The following PGM2L1 variants were observed in gnomAD, a reference collection of about 807,000 sequenced individuals.
PGM2L1 encodes glucose 1,6-bisphosphate synthase.
In PGM2L1, 35 loss-of-function variants were observed where a neutral mutation model predicts 73.4. The ratio of observed to expected loss-of-function variants is 0.48; its 90% CI spans 0.36 to 0.63. The LOEUF is 0.63. Ranked by LOEUF, PGM2L1 falls within the 30% of genes least tolerant of loss-of-function variation. The pLI is 0.00. For synonymous variants in PGM2L1, 225 were observed against 253.8 expected (o/e 0.89, Z 1.08); for missense variants, 570 against 742.0 (o/e 0.77, Z 2.69).
intron 5 of PGM2L1, among the ~76,000 whole-genome samples, chr11:74,363,877 C>T (rs76214922): frequency 0.57 from 86,864 of 151,924 alleles, 26,162 homozygotes; most frequent in East Asian, 0.8. Flanking sequence ...CCAGCATCAT[C>T]CTGATACCAA....
intron 5 of PGM2L1, among the ~76,000 whole-genome samples, chr11:74,358,282 C>G (rs969600388): frequency 6.6e-6 from 1 of 152,132 alleles, no homozygotes; most frequent in Non-Finnish European, 1.5e-5. Flanking sequence ...GAACCCTCCA[C>G]TGAATTTTGC....
At chr11:74,365,495 C>T (rs1862641025) in intron 5 of PGM2L1, among the ~76,000 whole-genome samples, 1 of 152,176 alleles carries the variant, frequency 6.6e-6, no homozygotes, top group African/African-American at 2.4e-5. Flanking sequence ...CCAGAATCTA[C>T]AAATAACTCA....
chr11:74,340,506 C>T (rs1170369972), intron 12 of PGM2L1, among the ~76,000 whole-genome samples: 1 of 152,156 alleles, frequency 6.6e-6, no homozygotes, highest in African/African-American at 2.4e-5. Flanking sequence ...TACTATTCTA[C>T]ACAATAAACT....
intron 2 of PGM2L1, among the ~76,000 whole-genome samples, chr11:74,374,187 G>A (rs1306383002): frequency 6.6e-6 from 1 of 151,884 alleles, no homozygotes; most frequent in East Asian, 1.9e-4. Flanking sequence ...AGGTTCAAGC[G>A]ATTCTCCTGC....
Position 74,334,160 on chromosome 11 carries a change from AC to A in PGM2L1, c.*2491del, listed in dbSNP as rs1221657710. 4.6e-5 allele frequency: 7 copies of A among 152,246 alleles called. No homozygotes were observed. The highest frequency in any genetic ancestry group is 1.0e-4 in the Non-Finnish European group (7 of 68,036). 9.4% of individuals were successfully genotyped at this position (152,246 alleles called of 1,614,324 possible). A position where few individuals can be genotyped will look rare whatever the true frequency, so the allele number is the denominator to read the frequency against. On this transcript the variant is annotated 3_prime_UTR_variant, in exon 14 of 14. Coordinates refer to ENST00000298198, the MANE Select transcript of PGM2L1 (RefSeq NM_173582.6). ...GAGAAGAACACTTCAATAACTTTTCACCTTAAGATGACTTAAATGTTGCATT... is the reference window on the plus strand; with the variant it reads ...GAGAAGAACACTTCAATAACTTTTCACTTAAGATGACTTAAATGTTGCATT...
At chr11:74,393,851 T>C (rs1863137449) in intron 1 of PGM2L1, among the ~76,000 whole-genome samples, 1 of 152,094 alleles carries the variant, frequency 6.6e-6, no homozygotes, top group African/African-American at 2.4e-5. Flanking sequence ...CCTAACATCT[T>C]ACATATAGGA....
chr11:74,386,815 T>C (rs1863024742), intron 1 of PGM2L1, among the ~76,000 whole-genome samples: 1 of 152,140 alleles, frequency 6.6e-6, no homozygotes, highest in South Asian at 2.1e-4. Context: ...AACAAAATGA[T>C]ATTTTAACTG....
chr11:74,386,920 G>A (rs639228), intron 1 of PGM2L1, among the ~76,000 whole-genome samples: 111,557 of 152,112 alleles, frequency 0.73, 41,910 homozygotes, highest in Non-Finnish European at 0.83. Context: ...AGAGAGGTGG[G>A]CATGTGAATT....
intron 5 of PGM2L1, chr11:74,355,447 G>T (rs974787139): frequency 2.4e-4 from 94 of 384,458 alleles, no homozygotes; most frequent in African/African-American, 2.1e-3. Flanking sequence ...CCAGCTACTC[G>T]GGAGGCTGAG....
At chr11:74,353,733 T>A (rs1862395389) in intron 5 of PGM2L1, among the ~76,000 whole-genome samples, 1 of 151,240 alleles carries the variant, frequency 6.6e-6, no homozygotes, top group Admixed American at 6.6e-5. Flanking sequence ...CACGTCTACT[T>A]CTTTCTACAC....
intron 1 of PGM2L1, among the ~76,000 whole-genome samples, chr11:74,389,314 T>C (rs1200185278): frequency 6.6e-6 from 1 of 152,186 alleles, no homozygotes; most frequent in Non-Finnish European, 1.5e-5. Context: ...AGATGTATAT[T>C]CTTTTGTTAA....
At chr11:74,356,106 G>A (rs1008974248) in intron 5 of PGM2L1, among the ~76,000 whole-genome samples, 7 of 151,580 alleles carry the variant, frequency 4.6e-5, no homozygotes, top group African/African-American at 1.7e-4. Flanking sequence ...AGCCATCTTG[G>A]TAAATTTCCC....
intron 12 of PGM2L1, among the ~76,000 whole-genome samples, chr11:74,339,185 A>C (rs1565433680): frequency 6.6e-6 from 1 of 152,224 alleles, no homozygotes; most frequent in Non-Finnish European, 1.5e-5. Context: ...TCCAAAGTCC[A>C]AACTGCCTCT....
chr11:74,386,304 T>A (rs1863017114), intron 1 of PGM2L1, among the ~76,000 whole-genome samples: 1 of 151,972 alleles, frequency 6.6e-6, no homozygotes. Flanking sequence ...AAATGGAAAT[T>A]AAAGCTAAAA....
chr11:74,343,455 C>T (rs1448977868), intron 9 of PGM2L1, 39 bp from the exon 10 acceptor site: 1 of 1,592,830 alleles, frequency 6.3e-7, no homozygotes, highest in Non-Finnish European at 8.5e-7. Context: ...AAGTGACTGT[C>T]TCACAAATAC....
intron 5 of PGM2L1, among the ~76,000 whole-genome samples, chr11:74,360,592 G>T (rs965534774): frequency 1.3e-5 from 2 of 152,174 alleles, no homozygotes; most frequent in African/African-American, 4.8e-5. Flanking sequence ...TCGAGTGTGA[G>T]TCGAAGCAGG....
At chr11:74,360,850 G>A (rs539410892) in intron 5 of PGM2L1, among the ~76,000 whole-genome samples, 2 of 152,350 alleles carry the variant, frequency 1.3e-5, no homozygotes, top group African/African-American at 4.8e-5. Flanking sequence ...GTGAGGCCGG[G>A]GGAGGGGCGC....
intron 12 of PGM2L1, 148 bp downstream of exon 12, chr11:74,342,313 T>C: frequency 1.6e-6 from 1 of 614,928 alleles, no homozygotes; most frequent in Non-Finnish European, 2.5e-6. Context: ...TCCATCTGGC[T>C]GTTCCAGAAT....
At chr11:74,392,748 G>A (rs1863121775) in intron 1 of PGM2L1, among the ~76,000 whole-genome samples, 1 of 152,194 alleles carries the variant, frequency 6.6e-6, no homozygotes, top group South Asian at 2.1e-4. Context: ...CACCATGTTA[G>A]CCAGGATGGT....
Sources: allele counts gnomAD v4.1 joint callset (sites outside exome capture counted in the v4.1 genomes callset), GRCh38; gene constraint gnomAD v4.1.1; transcripts MANE v1.5; gene names NCBI Gene and HGNC (gene_info 2026-07-23, HGNC 2026-07-21).